MEGF10: variants seen among roughly 807,000 people sequenced by gnomAD.
MEGF10 encodes the protein multiple epidermal growth factor-like domains protein 10.
Under a neutral mutation model 147.5 loss-of-function variants are expected in MEGF10, and 86 were observed. That is an observed-to-expected ratio of 0.58 (90% CI 0.49 to 0.70). The LOEUF is 0.70. Ranked by LOEUF, MEGF10 falls within the 30% of genes least tolerant of loss-of-function variation. The pLI is 0.00. For synonymous variants in MEGF10, 478 were observed against 525.5 expected (o/e 0.91, Z 1.24); for missense variants, 1,329 against 1,487.3 (o/e 0.89, Z 1.75).
At chr5:127,444,383 C>T (rs1240778153) in intron 19 of MEGF10, 2 of 152,194 alleles carry the variant, frequency 1.3e-5, no homozygotes, top group Non-Finnish European at 2.9e-5. Flanking sequence ...GTCATAATTA[C>T]AAATACTCTG....
At chr5:127,370,996 G>A (rs937431744) in intron 5 of MEGF10, among the ~76,000 whole-genome samples, 1 of 152,108 alleles carries the variant, frequency 6.6e-6, no homozygotes, top group Non-Finnish European at 1.5e-5. Context: ...TCAATAAGCT[G>A]ATTTTAAAAA....
At chr5:127,435,627 CT>C in intron 16 of MEGF10, 138 bp downstream of exon 16, 2 of 852,982 alleles carry the variant, frequency 2.3e-6, no homozygotes, top group Non-Finnish European at 1.6e-6. Context: ...ACTTTAAATT[CT>C]TTTTTTAAAA....
intron 1 of MEGF10, among the ~76,000 whole-genome samples, chr5:127,303,604 A>G (rs1033722859): frequency 2.0e-5 from 3 of 152,244 alleles, no homozygotes; most frequent in Non-Finnish European, 4.4e-5. Flanking sequence ...GCAATCTTCT[A>G]TGCTAGGGAC....
chr5:127,342,861 A>G (rs774609436), intron 4 of MEGF10, among the ~76,000 whole-genome samples: 1 of 152,178 alleles, frequency 6.6e-6, no homozygotes, highest in East Asian at 1.9e-4. Context: ...ATATGCTAAT[A>G]TATTTAATCA....
At chr5:127,284,350 T>C in the MEGF10 span, among the ~76,000 whole-genome samples, 1 of 152,198 alleles carries the variant, frequency 6.6e-6, no homozygotes, top group African/African-American at 2.4e-5. Flanking sequence ...TAAAGCTGTG[T>C]ACACACAAGA....
chr5:127,433,243 T>G, intron 13 of MEGF10, 120 bp from the exon 14 acceptor site: 2 of 1,166,056 alleles, frequency 1.7e-6, no homozygotes, highest in Non-Finnish European at 1.2e-6. Context: ...AACTCTCCAT[T>G]CATTGCTGCT....
intron 1 of MEGF10, among the ~76,000 whole-genome samples, chr5:127,326,315 G>T (rs1214734305): frequency 6.6e-6 from 1 of 151,998 alleles, no homozygotes; most frequent in Admixed American, 6.6e-5. Context: ...GCTTGTTGTG[G>T]GTTTGATGTT....
At chr5:127,439,174 A>G (rs1765662392) in intron 17 of MEGF10, among the ~76,000 whole-genome samples, 1 of 152,176 alleles carries the variant, frequency 6.6e-6, no homozygotes, top group South Asian at 2.1e-4. Context: ...TGTAATTCAT[A>G]GCATCCTAAC....
At chr5:127,252,677 TGAGA>T in the MEGF10 span, among the ~76,000 whole-genome samples, 1 of 151,802 alleles carries the variant, frequency 6.6e-6, no homozygotes, top group Non-Finnish European at 1.5e-5. Context: ...TGGGATAGGG[TGAGA>T]GAGACAGACT....
chr5:127,346,704 T>C (rs557316378), intron 4 of MEGF10, among the ~76,000 whole-genome samples: 44 of 152,298 alleles, frequency 2.9e-4, no homozygotes, highest in African/African-American at 1.0e-3. Context: ...GTGCAGAAGC[T>C]TTTTAGTTTA....
At chr5:127,377,905 A>G (rs1763095895) in intron 5 of MEGF10, among the ~76,000 whole-genome samples, 3 of 152,162 alleles carry the variant, frequency 2.0e-5, no homozygotes, top group South Asian at 4.1e-4. Flanking sequence ...AGTTGGGTTC[A>G]CTGGTGTTAG....
At chr5:127,364,060 T>G (rs1222396679) in intron 4 of MEGF10, among the ~76,000 whole-genome samples, 1 of 152,214 alleles carries the variant, frequency 6.6e-6, no homozygotes, top group African/African-American at 2.4e-5. Context: ...CCCCTTGATC[T>G]CACCCCAGTT....
chr5:127,440,771 G>T lies in MEGF10; in HGVS notation c.2266G>T (p.Ala756Ser), dbSNP rs746796678. ...CPLGFYGKDC[A>S]LICQCQNGAD... The stretch of plus-strand genomic sequence containing the variant: ...TCTAGGGTTTTATGGAAAAGATTGT[G>T]CACTGATATGCCAATGTCAAAACGG... The change falls in exon 18 of 25, where the codon GCA (alanine) becomes TCA (serine). Residue 756 changes from alanine to serine, a missense_variant. Ala to Ser is a moderately conservative substitution (Grantham distance 99). Transcript: ENST00000503335. 6.2e-7 allele frequency: 1 copy of T among 1,614,082 alleles called. No homozygotes were observed. Among genetic ancestry groups the T allele is most frequent in the Admixed American group, 1.7e-5 (1 of 60,018 alleles).
At chr5:127,247,407 GAAGA>G in the MEGF10 span, among the ~76,000 whole-genome samples, 4 of 65,300 alleles carry the variant, frequency 6.1e-5, no homozygotes, top group Non-Finnish European at 1.2e-4. Context: ...AGAAGAAGAA[GAAGA>G]AGAAGAAGAA....
chr5:127,331,627 G>C (rs1761266503), intron 2 of MEGF10, among the ~76,000 whole-genome samples: 1 of 152,132 alleles, frequency 6.6e-6, no homozygotes, highest in Non-Finnish European at 1.5e-5. Context: ...AAAAAGTCTT[G>C]ATATATCTAA....
intron 8 of MEGF10, among the ~76,000 whole-genome samples, chr5:127,405,815 C>T (rs1461098138): frequency 6.6e-6 from 1 of 151,920 alleles, no homozygotes; most frequent in Non-Finnish European, 1.5e-5. Flanking sequence ...ATAGTAGCTG[C>T]TTAATTTCAT....
intron 4 of MEGF10, 46 bp from the exon 5 acceptor site, chr5:127,369,864 T>A (rs1226114011): frequency 6.5e-7 from 1 of 1,526,972 alleles, no homozygotes; most frequent in Non-Finnish European, 9.0e-7. Context: ...TTGGCTTTTT[T>A]TTCTTGTGCC....
intron 5 of MEGF10, among the ~76,000 whole-genome samples, chr5:127,394,707 CAT>C (rs1278029932): frequency 6.6e-6 from 1 of 151,206 alleles, no homozygotes; most frequent in Non-Finnish European, 1.5e-5. Flanking sequence ...AGAAACAACT[CAT>C]ATGAATAACA....
intron 1 of MEGF10, among the ~76,000 whole-genome samples, chr5:127,325,397 T>C (rs571734696): frequency 1.3e-5 from 2 of 152,244 alleles, no homozygotes; most frequent in East Asian, 3.9e-4. Context: ...ATTTTTTCCC[T>C]CATATGTTGT....
Sources: allele counts gnomAD v4.1 joint callset (sites outside exome capture counted in the v4.1 genomes callset), GRCh38; gene constraint gnomAD v4.1.1; transcripts MANE v1.5; gene names NCBI Gene and HGNC (gene_info 2026-07-23, HGNC 2026-07-21).